PGM3: variants seen among roughly 807,000 people sequenced by gnomAD.
The protein encoded by PGM3 is phosphoglucomutase 3.
PGM3 carries 40 observed loss-of-function variants against 66.2 expected under a neutral mutation model. That is an observed-to-expected ratio of 0.60 (90% CI 0.47 to 0.79). PGM3 has a LOEUF of 0.79. Among genes scored for constraint, PGM3 ranks in the 30% least tolerant of loss-of-function variants. PGM3 has a pLI of 0.00. For missense variants in PGM3, 537 were observed against 643.4 expected (o/e 0.83, Z 1.79); for synonymous variants, 191 against 224.2 (o/e 0.85, Z 1.32).
chr6:83,175,139 A>C (rs1454151636), intron 9 of PGM3, among the ~76,000 whole-genome samples: 1 of 152,108 alleles, frequency 6.6e-6, no homozygotes, highest in Non-Finnish European at 1.5e-5. Context: ...CAGGCTAGTC[A>C]CCTGTTTTTG....
chr6:83,175,667 G>A (rs1787708449), intron 9 of PGM3, among the ~76,000 whole-genome samples: 1 of 151,856 alleles, frequency 6.6e-6, no homozygotes, highest in Non-Finnish European at 1.5e-5. Context: ...CCTCTCCTAT[G>A]GCCAGCCGGA....
In PGM3 at chr6:83,167,996, C is replaced by T; in HGVS notation, c.*1238G>A. 6.2e-7 allele frequency: 1 copy of T among 1,614,172 alleles called. No individual in the cohort carries two copies. Among genetic ancestry groups the T allele is most frequent in the Non-Finnish European group, 8.5e-7 (1 of 1,180,030 alleles). On this transcript the variant is annotated 3_prime_UTR_variant, in exon 13 of 13. Coordinates refer to ENST00000513973, the MANE Select transcript of PGM3 (RefSeq NM_015599.3). ...ATGTGCTCAGTCAAGTCTTCAACAG[C>T]AAAGTCACAAGCCGATGTGGAGGAC...
upstream of PGM3, chr6:83,193,442 G>C (rs1789346695): frequency 6.6e-6 from 1 of 152,260 alleles, no homozygotes; most frequent in Non-Finnish European, 1.5e-5. Flanking sequence ...TGACCAGAAA[G>C]GGTGAGGCCC....
At chr6:83,182,770 C>G in intron 5 of PGM3, 75 bp downstream of exon 5, 2 of 1,358,868 alleles carry the variant, frequency 1.5e-6, no homozygotes, top group Non-Finnish European at 2.1e-6. Context: ...GCATGACAAA[C>G]AAGATAATTT....
At chr6:83,154,902 C>T in the PGM3 span, among the ~76,000 whole-genome samples, 2 of 152,130 alleles carry the variant, frequency 1.3e-5, no homozygotes, top group African/African-American at 2.4e-5. Context: ...ACAGTTTTCT[C>T]ATTTGGAAAA....
chr6:83,192,822 C>G (rs188913116), intron 1 of PGM3, among the ~76,000 whole-genome samples: 218 of 152,282 alleles, frequency 1.4e-3, no homozygotes, highest in Non-Finnish European at 2.6e-3. Flanking sequence ...CCAGCGTCCA[C>G]GCAAAAAGTT....
At chr6:83,157,228 T>G, downstream of PGM3, 1 of 1,614,058 alleles carries the variant, frequency 6.2e-7, no homozygotes, top group Non-Finnish European at 8.5e-7. Flanking sequence ...CAACTCTCCA[T>G]TCTCAAGTGT....
At chr6:83,189,961 T>C (rs937484811) in intron 2 of PGM3, among the ~76,000 whole-genome samples, 2 of 152,212 alleles carry the variant, frequency 1.3e-5, no homozygotes, top group Admixed American at 1.3e-4. Flanking sequence ...CACAGAGTAG[T>C]ATGGTGGCGG....
chr6:83,171,729 C>T (rs1261978550), intron 11 of PGM3, among the ~76,000 whole-genome samples: 2 of 152,106 alleles, frequency 1.3e-5, no homozygotes, highest in East Asian at 1.9e-4. Flanking sequence ...CCTCATGATC[C>T]GCCCGCTTTG....
chr6:83,183,116 T>C (rs1396086493), intron 4 of PGM3, 138 bp from the exon 5 acceptor site: 2 of 754,374 alleles, frequency 2.7e-6, no homozygotes, highest in African/African-American at 1.8e-5. Flanking sequence ...ATAAAAATGA[T>C]CTTAAAAAGA....
At chr6:83,157,221 C>T (rs1782994606), downstream of PGM3, 1 of 1,613,982 alleles carries the variant, frequency 6.2e-7, no homozygotes. Context: ...CAGGTGCCAA[C>T]TCTCCATTCT....
intron 3 of PGM3, among the ~76,000 whole-genome samples, chr6:83,188,048 C>G (rs1331810681): frequency 6.6e-6 from 1 of 152,144 alleles, no homozygotes; most frequent in East Asian, 1.9e-4. Context: ...GAAATAATCT[C>G]AGGTTAAAAC....
the PGM3 span, chr6:83,153,586 A>C: frequency 1.2e-6 from 2 of 1,609,426 alleles, no homozygotes; most frequent in Non-Finnish European, 1.7e-6. Context: ...TGTAAATATT[A>C]TGCATTATGT....
At position 83,185,434 on chromosome 6, in the gene PGM3, G is replaced by A. The variant is rs144441243; in HGVS notation, c.457+1574C>T. 4.6e-3 allele frequency among the ~76,000 whole-genome samples: 702 copies of A among 152,340 alleles called. 3 individuals carry two copies. Among genetic ancestry groups the A allele is most frequent in the Middle Eastern group, 0.017 (5 of 294 alleles). ...AACAGAAATAGACTACTAGAGGGATGTACACAGCAGGTAGTAAAACATGTT... is the reference window on the plus strand; with the variant it reads ...AACAGAAATAGACTACTAGAGGGATATACACAGCAGGTAGTAAAACATGTT... On this transcript the variant is annotated intron_variant, in intron 4 of 12. Transcript: ENST00000513973.
In PGM3 at chr6:83,175,983, A is replaced by C. The variant is rs1308749982; in HGVS notation, c.1107T>G (p.Phe369Leu). The C allele has an allele frequency of 6.2e-7, 1 of 1,610,630 alleles. No homozygotes were observed. Among genetic ancestry groups the C allele is most frequent in the South Asian group, 1.1e-5 (1 of 90,980 alleles). Reference protein sequence around the residue: ...KAQEFDIGVYFEANGHGTALF... With the variant: ...KAQEFDIGVYLEANGHGTALF... ...TTACAGTGCCATGCCCATTTGCTTC[A>C]AAATAAACTCCAATGTCAAACTCTT... Residue 369 changes from phenylalanine (F) to leucine (L), a missense_variant, in exon 9 of 13, where the codon TTT becomes TTG. Coordinates refer to ENST00000513973, the MANE Select transcript of PGM3 (RefSeq NM_015599.3).
At position 83,165,595 on chromosome 6, in the gene PGM3, T is replaced by C. The variant is rs1174525214; in HGVS notation, c.*3639A>G. Reference sequence around the variant, plus strand: ...GCATAAAAATCCATGCTTCCAAATTTGACGAACTCTTGGAAAGCATTTTCT... The same window carrying C: ...GCATAAAAATCCATGCTTCCAAATTCGACGAACTCTTGGAAAGCATTTTCT... On this transcript the variant is annotated 3_prime_UTR_variant, in exon 13 of 13. Transcript: ENST00000513973. 5.7e-6 allele frequency: 1 copy of C among 175,780 alleles called. No homozygotes were observed. Among genetic ancestry groups the C allele is most frequent in the Non-Finnish European group, 1.2e-5 (1 of 81,010 alleles). 10.9% of individuals were successfully genotyped at this position (175,780 alleles called of 1,614,324 possible).
downstream of PGM3, among the ~76,000 whole-genome samples, chr6:83,157,015 T>C (rs1314213366): frequency 6.6e-6 from 1 of 152,216 alleles, no homozygotes; most frequent in Non-Finnish European, 1.5e-5. Context: ...CTTTGTTTAA[T>C]TGGAGTTCTC....
At chr6:83,175,504 CTAAAT>C (rs1359938054) in intron 9 of PGM3, among the ~76,000 whole-genome samples, 3 of 152,084 alleles carry the variant, frequency 2.0e-5, no homozygotes, top group Non-Finnish European at 4.4e-5. Flanking sequence ...CTACAAAAAA[CTAAAT>C]TATACACTTT....
chr6:83,181,964 T>C, intron 5 of PGM3, 33 bp from the exon 6 acceptor site: 1 of 1,442,710 alleles, frequency 6.9e-7, no homozygotes, highest in Non-Finnish European at 9.4e-7. Context: ...GAAGAAAAAT[T>C]TCAAGTTATA....
Sources: gnomAD v4.1 joint callset for allele counts (sites outside exome capture counted in the v4.1 genomes callset) on GRCh38, gnomAD v4.1.1 for gene constraint, MANE v1.5 for transcripts, NCBI Gene and HGNC (gene_info 2026-07-23, HGNC 2026-07-21) for gene names.